PRSS57: variants seen among roughly 807,000 people sequenced by gnomAD.
PRSS57 encodes the protein neutrophil serine protease 4.
In PRSS57, 19 loss-of-function variants were observed where a neutral mutation model predicts 20.6. The ratio of observed to expected loss-of-function variants is 0.92; its 90% CI spans 0.64 to 1.35. The LOEUF is 1.35. Ranked by LOEUF, PRSS57 falls within the 40% of genes most tolerant of loss-of-function variation. The pLI is 0.00. For missense variants in PRSS57, 440 were observed against 403.7 expected, an observed-to-expected ratio of 1.09 and a Z score of -0.77; for synonymous variants, 203 against 176.6, an observed-to-expected ratio of 1.15 and a Z score of -1.19.
At chr19:686,103 G>A (rs550275162) in intron 4 of PRSS57, among the ~76,000 whole-genome samples, 181 bp from the exon 5 acceptor site, 5 of 151,316 alleles carry the variant, frequency 3.3e-5, no homozygotes, top group Admixed American at 6.6e-5. Context: ...TGCCCTCCCC[G>A]CTGAGCCTCC....
At chr19:695,223 C>T (rs769769953) in intron 1 of PRSS57, 129 bp downstream of exon 1, 20 of 490,040 alleles carry the variant, frequency 4.1e-5, no homozygotes, top group Admixed American at 1.7e-4. Flanking sequence ...CAGAGGCAGC[C>T]ACGGGGGCTC....
Position 687,278 on chromosome 19 carries a change from T to C in PRSS57, c.379-90A>G, listed in dbSNP as rs2031508977. On this transcript the variant is annotated intron_variant, in intron 3 of 4. Transcript: ENST00000329267. ...ATCCATGGGACCCCTGGTCCTGCCC[T>C]TGTGAAGCAAAATCAATGGCGGCCA... 6.5e-6 allele frequency: 9 copies of C among 1,390,168 alleles called. No individual in the cohort carries two copies. In the East Asian group the frequency reaches 2.1e-4, roughly 32 times the overall value. 86.1% of individuals were successfully genotyped at this position (1,390,168 alleles called of 1,614,324 possible).
At chr19:688,601 A>ATTTTTTTTTTTTTTTT (rs2031542429) in intron 3 of PRSS57, among the ~76,000 whole-genome samples, 1 of 71,006 alleles carries the variant, frequency 1.4e-5, no homozygotes, top group East Asian at 4.0e-4. Flanking sequence ...CCACCCAGGG[A>ATTTTTTTTTTTTTTTT]CTTTTTTTTT....
chr19:694,666 T>A, intron 2 of PRSS57, 148 bp downstream of exon 2: 2 of 868,316 alleles, frequency 2.3e-6, no homozygotes, highest in Non-Finnish European at 3.4e-6. Flanking sequence ...ATCCTCCTGT[T>A]TTCCCTTTGT....
chr19:687,092 C>G lies in PRSS57; in HGVS notation c.475G>C (p.Ala159Pro), dbSNP rs757439669. Residue 159 changes from alanine (A) to proline (P), a missense_variant, in exon 4 of 5, where the codon GCT (alanine) becomes CCT (proline). Transcript: ENST00000329267. ...PPTAGTRCRVAGWGFVSDFEE... is the reference protein window; with the variant it reads ...PPTAGTRCRVPGWGFVSDFEE... ...AAGTCAGACACGAAGCCCCAGCCAG[C>G]CACCCGGCACCGTGTCCCCGCTGTG... is the stretch of plus-strand genomic sequence containing the variant. 5 of 1,613,556 alleles carry G rather than the reference C, an allele frequency of 3.1e-6. No homozygotes were observed. The highest frequency in any genetic ancestry group is 2.2e-5 in the East Asian group (1 of 44,896).
At position 695,438 on chromosome 19, in the gene PRSS57, G is replaced by A. The variant is rs2031764059; in HGVS notation, c.-8C>T. The A allele has an allele frequency of 7.2e-6, 9 of 1,252,780 alleles. No homozygotes were observed. The highest frequency in any genetic ancestry group is 8.1e-6 in the Non-Finnish European group (8 of 991,326). 77.6% of individuals were successfully genotyped at this position (1,252,780 alleles called of 1,614,324 possible). A position where few individuals can be genotyped will look rare whatever the true frequency, so the allele number is the denominator to read the frequency against. ...CCTCAACCCGAGCCCCATGGCAGAC[G>A]CAGGCTGGCGTCTCCCCGCAGAGGT... On this transcript the variant is annotated 5_prime_UTR_variant, in exon 1 of 5. Transcript: ENST00000329267.
At chr19:691,016 C>G in intron 3 of PRSS57, 1 of 382,260 alleles carries the variant, frequency 2.6e-6, no homozygotes, top group Admixed American at 3.3e-5. Flanking sequence ...GGCCACTTTG[C>G]CAAGGCCGCC....
At position 695,394 on chromosome 19, in the gene PRSS57, G is replaced by A. The variant is rs970578667; in HGVS notation, c.37C>T (p.Leu13=). The A allele has an allele frequency of 1.1e-5, 14 of 1,281,018 alleles. No homozygotes were observed. In the African/African-American group the frequency reaches 1.4e-4, roughly 12 times the overall value. The allele number at this position is 1,281,018 out of a possible 1,614,324, so 79.4% of individuals were successfully genotyped here. A position where few individuals can be genotyped will look rare whatever the true frequency, so the allele number is the denominator to read the frequency against. The part of the protein sequence containing the change: ...LGLRGWGRPL[L]TVATALMLPV... ...AGCATCAGGGCGGTGGCCACAGTCAGCAGAGGACGTCCCCAGCCCCTCAAC... is the reference window on the plus strand; with the variant it reads ...AGCATCAGGGCGGTGGCCACAGTCAACAGAGGACGTCCCCAGCCCCTCAAC... The change falls in exon 1 of 5, where the codon CTG becomes TTG. Residue 13 remains leucine, a synonymous_variant. Transcript: ENST00000329267.
Position 691,995 on chromosome 19 carries a change from G to A in PRSS57, c.241C>T (p.Arg81Cys), listed in dbSNP as rs76977862. The A allele has an allele frequency of 3.8e-3, 5,017 of 1,321,108 alleles. 222 individuals carry two copies. In the East Asian group the frequency reaches 0.1, roughly 27 times the overall value. The allele number at this position is 1,321,108 out of a possible 1,614,324, so 81.8% of individuals were successfully genotyped here. A position where few individuals can be genotyped will look rare whatever the true frequency, so the allele number is the denominator to read the frequency against. Residue 81 changes from arginine to cysteine, a missense_variant, in exon 3 of 5, where the codon CGC (arginine) becomes TGC (cysteine). By Grantham distance (180) the Arg-to-Cys change is radical. Transcript: ENST00000329267. ...GCGCCCAGCACCACCAGGCCAGTGC[G>A]GAGGTCTCTGCAGGGAGGAGGTGGT... ...AAHCFSHRDL[R>C]TGLVVLGAHV... is the part of the protein sequence containing the mutation.
chr19:694,649 CT>C (rs11287174), intron 2 of PRSS57, among the ~76,000 whole-genome samples, 164 bp downstream of exon 2: 87,592 of 150,996 alleles, frequency 0.58, 26,501 homozygotes, highest in Non-Finnish European at 0.67. Context: ...TTTTGCCTCC[CT>C]GCCTTATCCT....
At chr19:694,397 G>A (rs1029565036) in intron 2 of PRSS57, among the ~76,000 whole-genome samples, 2 of 151,794 alleles carry the variant, frequency 1.3e-5, no homozygotes, top group Non-Finnish European at 2.9e-5. Flanking sequence ...GTGAAATCCA[G>A]TCTCTACTAA....
intron 3 of PRSS57, chr19:690,652 G>C: frequency 3.8e-6 from 1 of 263,478 alleles, no homozygotes; most frequent in Non-Finnish European, 7.6e-6. Flanking sequence ...TGCAGAAGCA[G>C]ATCCGCACCG....
intron 4 of PRSS57, 42 bp from the exon 5 acceptor site, chr19:685,964 G>A (rs748016933): frequency 1.6e-4 from 234 of 1,487,058 alleles, no homozygotes; most frequent in Admixed American, 4.1e-4. Flanking sequence ...TCTGGGAGCT[G>A]CTGCAGGCAC....
At position 691,929 on chromosome 19, in the gene PRSS57, C is replaced by T. The variant is rs867690054; in HGVS notation, c.307G>A (p.Gly103Ser). The T allele has an allele frequency of 7.5e-7, 1 of 1,335,824 alleles. No homozygotes were observed. The highest frequency in any genetic ancestry group is 1.5e-5 in the African/African-American group (1 of 66,666). 82.7% of individuals were successfully genotyped at this position (1,335,824 alleles called of 1,614,324 possible). A position where few individuals can be genotyped will look rare whatever the true frequency, so the allele number is the denominator to read the frequency against. Residue 103 changes from glycine to serine, a missense_variant, in exon 3 of 5, where the codon GGC becomes AGC. Transcript: ENST00000329267. The part of the protein sequence containing the change: ...STAEPTQQVF[G>S]IDALTTHPDY... The stretch of plus-strand genomic sequence containing the variant: ...GGGTGTGTGGTGAGAGCATCGATGC[C>T]AAACACCTGCTGGGTGGGCTCCGCA...
rs1036848295 is a variant in PRSS57, at chr19:685,767, G to A, written c.798C>T (p.Pro266=). 8 of 1,565,262 alleles carry A rather than the reference G, an allele frequency of 5.1e-6. No homozygotes were observed. The highest frequency in any genetic ancestry group is 6.9e-6 in the Non-Finnish European group (8 of 1,153,164). The part of the protein sequence containing the change: ...WIWDVVRRSS[P]QPGPLPGTTR... Reference sequence around the variant, plus strand: ...TGGTCCCAGGCAGGGGGCCGGGCTGGGGACTGCTCCGCCGAACCACGTCCC... The same window carrying A: ...TGGTCCCAGGCAGGGGGCCGGGCTGAGGACTGCTCCGCCGAACCACGTCCC... The change falls in exon 5 of 5, where the codon CCC becomes CCT. Residue 266 remains proline, a synonymous_variant. Coordinates refer to ENST00000329267, the MANE Select transcript of PRSS57 (RefSeq NM_001308209.2).
intron 4 of PRSS57, among the ~76,000 whole-genome samples, chr19:686,715 T>G (rs8105856): frequency 0.78 from 118,491 of 152,024 alleles, 46,720 homozygotes; most frequent in African/African-American, 0.83. Context: ...ACACAAGTGC[T>G]TGGCTCTTTG....
intron 4 of PRSS57, among the ~76,000 whole-genome samples, chr19:686,654 T>A (rs1163123922): frequency 3.3e-5 from 5 of 152,266 alleles, no homozygotes; most frequent in Non-Finnish European, 4.4e-5. Flanking sequence ...GAGTGGGAGC[T>A]GCTTCCTCTC....
Position 686,910 on chromosome 19 carries a change from G to A in PRSS57, c.642+15C>T. 1.2e-6 allele frequency: 2 copies of A among 1,609,430 alleles called. No individual in the cohort carries two copies. The highest frequency in any genetic ancestry group is 1.7e-6 in the Non-Finnish European group (2 of 1,177,028). ...CCCCACACAGTAAGTGGGTGGAGCA[G>A]GGAGGGGATCTTACCGAGCAGAAGC... On this transcript the variant is annotated intron_variant, in intron 4 of 4. Transcript: ENST00000329267.
At chr19:690,903 C>T in intron 3 of PRSS57, 1 of 424,432 alleles carries the variant, frequency 2.4e-6, no homozygotes, top group South Asian at 2.1e-5. Context: ...ATCCCCGTGT[C>T]CGGGGCGCTG....
Sources: allele counts gnomAD v4.1 joint callset (sites outside exome capture counted in the v4.1 genomes callset), GRCh38; gene constraint gnomAD v4.1.1; transcripts MANE v1.5; gene names NCBI Gene and HGNC (gene_info 2026-07-23, HGNC 2026-07-21).